Variants in CFAP99 observed in about 807,000 individuals in gnomAD.
The protein encoded by CFAP99 is cilia- and flagella-associated protein 99.
CFAP99 carries 84 observed loss-of-function variants against 82.7 expected under a neutral mutation model. The ratio of observed to expected loss-of-function variants is 1.02; its 90% CI spans 0.85 to 1.22. The LOEUF is 1.22. Ranked by LOEUF, CFAP99 falls within the 50% of genes most tolerant of loss-of-function variation. The pLI, the probability that CFAP99 is intolerant of heterozygous loss-of-function variation, is 0.00. For missense variants in CFAP99, 1,059 were observed against 983.5 expected, an observed-to-expected ratio of 1.08 and a Z score of -1.03; for synonymous variants, 456 against 429.5, an observed-to-expected ratio of 1.06 and a Z score of -0.76.
intron 1 of CFAP99, among the ~76,000 whole-genome samples, chr4:2,425,613 GC>G (rs891963481): frequency 2.0e-5 from 3 of 152,264 alleles, no homozygotes; most frequent in Admixed American, 1.3e-4. Flanking sequence ...GGTGAGAAGG[GC>G]CCCCCTCTGC....
chr4:2,456,848 G>A (rs1381589883), intron 11 of CFAP99, among the ~76,000 whole-genome samples: 2 of 151,754 alleles, frequency 1.3e-5, no homozygotes, highest in Non-Finnish European at 2.9e-5. Flanking sequence ...TGTTATCACT[G>A]TGAAATTAAC....
At chr4:2,457,574 G>C (rs992686209) in intron 11 of CFAP99, among the ~76,000 whole-genome samples, 2 of 152,202 alleles carry the variant, frequency 1.3e-5, no homozygotes, top group Non-Finnish European at 2.9e-5. Context: ...TGTCTGAGTG[G>C]AGCCAGCCAG....
At chr4:2,419,491 C>A (rs528469901) in intron 1 of CFAP99, among the ~76,000 whole-genome samples, 2 of 152,276 alleles carry the variant, frequency 1.3e-5, no homozygotes, top group African/African-American at 4.8e-5. Context: ...CAGATCACGG[C>A]GGATCTGGGT....
At chr4:2,450,529 T>A (rs1369453247) in intron 8 of CFAP99, among the ~76,000 whole-genome samples, 1 of 152,176 alleles carries the variant, frequency 6.6e-6, no homozygotes, top group Non-Finnish European at 1.5e-5. Context: ...CTCCCCTCAC[T>A]GCAGCTTGCG....
intron 2 of CFAP99, among the ~76,000 whole-genome samples, chr4:2,435,724 G>A (rs1342265696): frequency 6.6e-6 from 1 of 152,182 alleles, no homozygotes. Context: ...AGGAGTTAGA[G>A]GCCAGCCTGA....
At position 2,462,755 on chromosome 4, in the gene CFAP99, C is replaced by T; in HGVS notation, c.1974C>T (p.Gly658=). 3.2e-6 allele frequency: 4 copies of T among 1,245,480 alleles called. No individual in the cohort carries two copies. Among genetic ancestry groups the T allele is most frequent in the Non-Finnish European group, 3.0e-6 (3 of 991,750 alleles). The allele number at this position is 1,245,480 out of a possible 1,614,324, so 77.2% of individuals were successfully genotyped here. A position where few individuals can be genotyped will look rare whatever the true frequency, so the allele number is the denominator to read the frequency against. Residue 658 remains glycine (G), a synonymous_variant, in exon 15 of 15, where the codon GGC becomes GGT. Coordinates refer to ENST00000635017, the Ensembl canonical transcript of CFAP99. This position sits in a 1 kb window ranked among gnomAD's most constrained non-coding sequence, Gnocchi z 4.1. ...CGGCCGGGAGATACGCAGCGGCGGG[C>T]GCGGGAGGCGGTGGGGGCGTCCCTG...
chr4:2,426,567 C>G, exon 2 of CFAP99: 1 of 1,535,696 alleles, frequency 6.5e-7, no homozygotes, highest in South Asian at 1.2e-5. Flanking sequence ...TTCCTGGAGG[C>G]TGCGGCCACC....
chr4:2,438,196 G>C lies in CFAP99; in HGVS notation c.351+32G>C, dbSNP rs747678756. ...CACCCCTACCTGCCCACCAGGCCAC[G>C]AGGCCCACGGGTGAGGTCCGTCTGA... On this transcript the variant is annotated intron_variant, in intron 4 of 14. Transcript: ENST00000635017. 4 of 1,304,618 alleles carry C rather than the reference G, an allele frequency of 3.1e-6. No homozygotes were observed. The Admixed American group carries it at 7.9e-5, about 26-fold the overall frequency. 80.8% of individuals were successfully genotyped at this position (1,304,618 alleles called of 1,614,324 possible). A position where few individuals can be genotyped will look rare whatever the true frequency, so the allele number is the denominator to read the frequency against.
intron 6 of CFAP99, among the ~76,000 whole-genome samples, chr4:2,447,929 GTGGATGGATGGA>G (rs58535148): frequency 0.036 from 5,003 of 139,824 alleles, 130 homozygotes; most frequent in African/African-American, 0.079. Context: ...GAATGGATGG[GTGGATGGATGGA>G]TGGATGGATG....
intron 14 of CFAP99, 69 bp downstream of exon 14, chr4:2,460,311 C>G (rs1734591593): frequency 1.4e-6 from 2 of 1,410,528 alleles, no homozygotes; most frequent in Admixed American, 4.0e-5. Flanking sequence ...GCCTTGCACC[C>G]TCCTGGGTGG....
Position 2,449,916 on chromosome 4 carries a change from G to C in CFAP99, c.724-18G>C, listed in dbSNP as rs947474347. The C allele has an allele frequency of 4.6e-6, 7 of 1,535,970 alleles. No individual in the cohort carries two copies. Among genetic ancestry groups the C allele is most frequent in the Non-Finnish European group, 5.2e-6 (6 of 1,146,828 alleles). The stretch of plus-strand genomic sequence containing the variant: ...GGCAGAGGCTGGTGGGACTGGAGCC[G>C]CTGTGTCACTGTGGCAGGAGCTGCT... On this transcript the variant is annotated intron_variant, in intron 7 of 14. Coordinates refer to ENST00000635017, the Ensembl canonical transcript of CFAP99.
exon 14 of CFAP99, chr4:2,460,168 G>A: frequency 6.5e-7 from 1 of 1,536,158 alleles, no homozygotes; most frequent in Non-Finnish European, 8.7e-7. Context: ...AGCACACCAA[G>A]AGCCAGGAAC....
At chr4:2,449,672 C>G in exon 7 of CFAP99, 2 of 1,536,092 alleles carry the variant, frequency 1.3e-6, no homozygotes, top group Middle Eastern at 1.7e-4. Flanking sequence ...TTCAGCAGGT[C>G]CCCCAGAGCA....
chr4:2,459,652 T>C (rs1003349847), intron 13 of CFAP99, among the ~76,000 whole-genome samples: 5 of 152,062 alleles, frequency 3.3e-5, no homozygotes, highest in Non-Finnish European at 5.9e-5. Context: ...CGGAAGCCCG[T>C]GTGAGAAGGC....
chr4:2,450,138 C>T, intron 8 of CFAP99, 133 bp downstream of exon 8: 5 of 899,160 alleles, frequency 5.6e-6, no homozygotes, highest in Middle Eastern at 2.1e-4. Flanking sequence ...GGGCGGATTC[C>T]CAGTAGCACT....
At chr4:2,454,594 G>GTTTTTTTTTTTTTTTTTGT (rs1204498727) in intron 11 of CFAP99, among the ~76,000 whole-genome samples, 1 of 84,538 alleles carries the variant, frequency 1.2e-5, no homozygotes. Context: ...TTTTTTTTTT[G>GTTTTTTTTTTTTTTTTTGT]TTTTTTTTTT....
At chr4:2,449,587 C>T (rs1734251891) in intron 6 of CFAP99, 83 bp from the exon 7 acceptor site, 2 of 1,281,334 alleles carry the variant, frequency 1.6e-6, no homozygotes, top group Non-Finnish European at 2.2e-6. Context: ...CCCACATCCA[C>T]CAAGCTGTCA....
intron 3 of CFAP99, 60 bp downstream of exon 3, chr4:2,437,078 C>A (rs1470526241): frequency 2.6e-6 from 4 of 1,525,066 alleles, no homozygotes; most frequent in Non-Finnish European, 3.5e-6. Context: ...AGGCTCTCTG[C>A]GGAAAGGCCT....
chr4:2,456,950 C>CTTTT (rs574632036), intron 11 of CFAP99, among the ~76,000 whole-genome samples: 2 of 109,474 alleles, frequency 1.8e-5, no homozygotes, highest in Non-Finnish European at 3.6e-5. Context: ...TCTTTGAATA[C>CTTTT]TTTTTTTTTT....
Sources: gnomAD v4.1 joint callset for allele counts (sites outside exome capture counted in the v4.1 genomes callset) on GRCh38, gnomAD v4.1.1 for gene constraint, Gnocchi (gnomAD v3.1) non-coding constraint, MANE v1.5 for transcripts, NCBI Gene and HGNC (gene_info 2026-07-23, HGNC 2026-07-21) for gene names.